The following ANO10 variants were observed in gnomAD, a reference collection of about 807,000 sequenced individuals.
ANO10 encodes the protein anoctamin-10.
In ANO10, 77 loss-of-function variants were observed where a neutral mutation model predicts 74.7. The observed-to-expected ratio is 1.03, with a 90% CI of 0.86 to 1.25. ANO10 has a LOEUF of 1.25. ANO10 is among the 50% of genes most tolerant of loss of function. The pLI, the probability that ANO10 is intolerant of heterozygous loss-of-function variation, is 0.00. For missense variants in ANO10, 721 were observed against 778.1 expected, an observed-to-expected ratio of 0.93 and a Z score of 0.87; for synonymous variants, 279 against 284.9, an observed-to-expected ratio of 0.98 and a Z score of 0.21.
intron 7 of ANO10, among the ~76,000 whole-genome samples, chr3:43,571,862 T>TAAAAAAA (rs35839099): frequency 7.6e-5 from 9 of 118,546 alleles, no homozygotes; most frequent in African/African-American, 9.6e-5. Flanking sequence ...TTTCCTACAT[T>TAAAAAAA]AAAAAAAAAA....
intron 12 of ANO10, among the ~76,000 whole-genome samples, chr3:43,417,236 G>T (rs959842422): frequency 1.3e-5 from 2 of 152,208 alleles, no homozygotes; most frequent in African/African-American, 4.8e-5. Context: ...AACTACCTGG[G>T]ACTAGGCATA....
At chr3:43,575,324 G>A (rs967860693) in intron 6 of ANO10, among the ~76,000 whole-genome samples, 1 of 152,160 alleles carries the variant, frequency 6.6e-6, no homozygotes, top group South Asian at 2.1e-4. Flanking sequence ...AGGTAATACT[G>A]CATAGATCCC....
At chr3:43,605,322 G>C (rs2082510451) in intron 2 of ANO10, among the ~76,000 whole-genome samples, 2 of 152,024 alleles carry the variant, frequency 1.3e-5, no homozygotes, top group Admixed American at 1.3e-4. Context: ...AACTTTGCAG[G>C]AAGAGACCAT....
In ANO10 at chr3:43,605,858, A is replaced by T. The variant is rs1240200674; in HGVS notation, c.-6T>A. ...GCTGATAAGGTCACTTTCATCTTTG[A>T]CAAATCTGCGGAAAATTAAAATAAA... is the stretch of plus-strand genomic sequence containing the variant. On this transcript the variant is annotated 5_prime_UTR_variant, in exon 2 of 13. Transcript: ENST00000292246. 4.3e-6 allele frequency: 7 copies of T among 1,613,316 alleles called. No individual in the cohort carries two copies. In the South Asian group the frequency reaches 5.5e-5, roughly 13 times the overall value.
intron 12 of ANO10, among the ~76,000 whole-genome samples, chr3:43,417,099 A>T (rs1460371210): frequency 6.6e-6 from 1 of 152,226 alleles, no homozygotes; most frequent in Non-Finnish European, 1.5e-5. Flanking sequence ...AGAAGTCCTC[A>T]GTAAGGTTTT....
chr3:43,557,082 C>T (rs2079786715), intron 9 of ANO10, among the ~76,000 whole-genome samples: 1 of 151,382 alleles, frequency 6.6e-6, no homozygotes, highest in South Asian at 2.1e-4. Context: ...TAAAGAGATA[C>T]TATTTATAAA....
chr3:43,667,596 C>T (rs1376214732), intron 1 of ANO10, among the ~76,000 whole-genome samples: 1 of 152,058 alleles, frequency 6.6e-6, no homozygotes, highest in African/African-American at 2.4e-5. Context: ...CACTCCTGAC[C>T]TTCCCTGCAC....
chr3:43,457,921 AG>A (rs1202615509), intron 11 of ANO10, among the ~76,000 whole-genome samples: 1 of 152,074 alleles, frequency 6.6e-6, no homozygotes, highest in African/African-American at 2.4e-5. Context: ...CCAAGATGCA[AG>A]GCCCCCAACC....
At chr3:43,504,478 C>A (rs1383206444) in intron 11 of ANO10, among the ~76,000 whole-genome samples, 1 of 151,848 alleles carries the variant, frequency 6.6e-6, no homozygotes, top group African/African-American at 2.4e-5. Context: ...AACAGATGGG[C>A]AATGTAATTG....
chr3:43,616,547 T>C (rs1314495973), intron 1 of ANO10, among the ~76,000 whole-genome samples: 1 of 152,132 alleles, frequency 6.6e-6, no homozygotes, highest in Non-Finnish European at 1.5e-5. Flanking sequence ...ATCATGTAGG[T>C]AGAGGGAAGA....
intron 12 of ANO10, among the ~76,000 whole-genome samples, chr3:43,394,645 A>G (rs1315702059): frequency 6.6e-6 from 1 of 152,320 alleles, no homozygotes; most frequent in East Asian, 1.9e-4. Context: ...ATCATTTCCC[A>G]TGGTAGTGAA....
At chr3:43,624,835 C>A (rs2083478009), upstream of ANO10, among the ~76,000 whole-genome samples, 1 of 152,180 alleles carries the variant, frequency 6.6e-6, no homozygotes, top group South Asian at 2.1e-4. Context: ...GAATGGCACA[C>A]AATTTAAAAC....
chr3:43,661,510 T>C (rs2083926256), intron 1 of ANO10, among the ~76,000 whole-genome samples: 3 of 152,108 alleles, frequency 2.0e-5, no homozygotes, highest in Admixed American at 2.0e-4. Flanking sequence ...ATGGGCAAAA[T>C]AACCAGCTAG....
intron 1 of ANO10, among the ~76,000 whole-genome samples, chr3:43,643,551 TA>T (rs1316166211): frequency 6.6e-6 from 1 of 151,912 alleles, no homozygotes; most frequent in African/African-American, 2.4e-5. Flanking sequence ...TTCATATGTG[TA>T]GGGAGTGACT....
At chr3:43,658,766 C>G (rs2083886770) in intron 1 of ANO10, among the ~76,000 whole-genome samples, 1 of 152,124 alleles carries the variant, frequency 6.6e-6, no homozygotes, top group Non-Finnish European at 1.5e-5. Context: ...CCACACCCAG[C>G]CAGTTTATGT....
chr3:43,571,862 T>TAAAAAAAA (rs35839099), intron 7 of ANO10, among the ~76,000 whole-genome samples: 2 of 118,548 alleles, frequency 1.7e-5, no homozygotes, highest in African/African-American at 3.2e-5. Flanking sequence ...TTTCCTACAT[T>TAAAAAAAA]AAAAAAAAAA....
chr3:43,490,903 A>C (rs1325063702), intron 11 of ANO10, among the ~76,000 whole-genome samples: 2 of 152,164 alleles, frequency 1.3e-5, no homozygotes, highest in African/African-American at 2.4e-5. Flanking sequence ...TGCCAGGGAA[A>C]GGCAGTCTCC....
chr3:43,409,998 T>C (rs1194625614), intron 12 of ANO10, among the ~76,000 whole-genome samples: 1 of 152,216 alleles, frequency 6.6e-6, no homozygotes, highest in Non-Finnish European at 1.5e-5. Context: ...TTTGAGTCCT[T>C]CATTTGTGTT....
chr3:43,543,476 G>A (rs539820413), intron 11 of ANO10, among the ~76,000 whole-genome samples: 1 of 152,248 alleles, frequency 6.6e-6, no homozygotes, highest in Non-Finnish European at 1.5e-5. Flanking sequence ...TGCAAGCTCT[G>A]CCTCCCGAAT....
Sources: allele counts gnomAD v4.1 joint callset (sites outside exome capture counted in the v4.1 genomes callset), GRCh38; gene constraint gnomAD v4.1.1; transcripts MANE v1.5; gene names NCBI Gene and HGNC (gene_info 2026-07-23, HGNC 2026-07-21).